CHRM2: variants seen among roughly 807,000 people sequenced by gnomAD.
CHRM2 encodes cholinergic receptor muscarinic 2.
In CHRM2, 8 loss-of-function variants were observed where a neutral mutation model predicts 25.0. The observed-to-expected ratio is 0.32, with a 90% CI of 0.19 to 0.58. CHRM2 has a LOEUF of 0.58. Among genes scored for constraint, CHRM2 ranks in the 20% least tolerant of loss-of-function variants. The pLI is 0.88. For missense variants in CHRM2, 440 were observed against 567.1 expected (o/e 0.78, Z 2.28); for synonymous variants, 202 against 205.7 (o/e 0.98, Z 0.15).
intron 2 of CHRM2, among the ~76,000 whole-genome samples, chr7:136,893,772 G>A (rs997895458): frequency 2.1e-4 from 32 of 152,230 alleles, no homozygotes; most frequent in African/African-American, 7.5e-4. Context: ...TTTTACATGA[G>A]CAAAACAGGA....
In CHRM2 at chr7:137,015,941, A is replaced by C; in HGVS notation, c.1076A>C (p.Asn359Thr). 6.2e-7 allele frequency: 1 copy of C among 1,613,160 alleles called. No homozygotes were observed. Among genetic ancestry groups the C allele is most frequent in the Non-Finnish European group, 8.5e-7 (1 of 1,179,452 alleles). The change falls in exon 4 of 4, where the codon AAT (asparagine) becomes ACT (threonine). Residue 359 changes from asparagine to threonine, a missense_variant. Asn to Thr is a moderately conservative substitution (Grantham distance 65). Around this residue, in one of 5 missense-constraint regions of CHRM2, gnomAD observed 261 missense variants for 261.8 expected, o/e 1.00. Coordinates refer to ENST00000680005, the MANE Select transcript of CHRM2 (RefSeq NM_001006630.2). The surrounding 1 kb of genome is among the most constrained non-coding windows in gnomAD (Gnocchi z 5.1). ...GGTCAGAATGGAGATGAAAAGCAGA[A>C]TATTGTAGCCCGCAAGATTGTGAAG... is the stretch of plus-strand genomic sequence containing the variant. Reference protein sequence around the residue: ...SSGQNGDEKQNIVARKIVKMT... With the variant: ...SSGQNGDEKQTIVARKIVKMT...
intron 2 of CHRM2, among the ~76,000 whole-genome samples, chr7:136,891,231 T>C (rs1436780388): frequency 6.6e-6 from 1 of 152,188 alleles, no homozygotes; most frequent in East Asian, 1.9e-4. Flanking sequence ...TTCTACCCAA[T>C]GTCCTCTTTC....
Position 137,017,230 on chromosome 7 carries a change from C to T in CHRM2, c.*964C>T, listed in dbSNP as rs1805238027. 1.3e-5 allele frequency: 2 copies of T among 151,878 alleles called. No homozygotes were observed. The highest frequency in any genetic ancestry group is 4.1e-4 in the South Asian group (2 of 4,828). 9.4% of individuals were successfully genotyped at this position (151,878 alleles called of 1,614,324 possible). ...AGGTTTCATCAAATTAAATAATGGA[C>T]TATCTAGTTGGACCAAGTTTATTAA... On this transcript the variant is annotated 3_prime_UTR_variant, in exon 4 of 4. Transcript: ENST00000680005.
intron 2 of CHRM2, among the ~76,000 whole-genome samples, chr7:136,880,938 T>C (rs1796242624): frequency 6.6e-6 from 1 of 151,774 alleles, no homozygotes; most frequent in Non-Finnish European, 1.5e-5. Context: ...TTATCCAGAA[T>C]GTTACTTAGT....
intron 2 of CHRM2, among the ~76,000 whole-genome samples, chr7:136,966,494 G>C (rs1461244949): frequency 6.6e-6 from 1 of 151,868 alleles, no homozygotes; most frequent in East Asian, 1.9e-4. Context: ...TGAATAAGGA[G>C]TAGGTGAACA....
chr7:136,893,820 CCT>C (rs1796787938), intron 2 of CHRM2, among the ~76,000 whole-genome samples: 1 of 152,044 alleles, frequency 6.6e-6, no homozygotes, highest in Non-Finnish European at 1.5e-5. Flanking sequence ...GAAGCTCTAT[CCT>C]CTCTGAAAAA....
At chr7:136,956,508 A>G (rs1470279606) in intron 2 of CHRM2, among the ~76,000 whole-genome samples, 6 of 152,166 alleles carry the variant, frequency 3.9e-5, no homozygotes, top group African/African-American at 1.4e-4. Context: ...TGAATCCTCC[A>G]TTACTGAACA....
chr7:136,906,579 T>C (rs1417762515), intron 2 of CHRM2, among the ~76,000 whole-genome samples: 3 of 151,864 alleles, frequency 2.0e-5, no homozygotes, highest in Admixed American at 6.6e-5. Flanking sequence ...AGTCCTTATA[T>C]AGCAGGATAT....
intron 2 of CHRM2, among the ~76,000 whole-genome samples, chr7:136,936,689 T>C (rs934462894): frequency 2.8e-4 from 42 of 152,188 alleles, no homozygotes; most frequent in Admixed American, 1.7e-3. Flanking sequence ...TCTTTGTTTT[T>C]GCTTCTCCCA....
rs141797101 is a variant in CHRM2 at position 136,875,356 on chromosome 7, T to C, written c.-125+5938T>C. ...ACATTTTTATTAATCCCTAAATACATGGCAAACTAGAAGTGAGGTTGATAT... is the reference window on the plus strand; with the variant it reads ...ACATTTTTATTAATCCCTAAATACACGGCAAACTAGAAGTGAGGTTGATAT... On this transcript the variant is annotated intron_variant, in intron 2 of 3. Coordinates refer to ENST00000680005, the MANE Select transcript of CHRM2 (RefSeq NM_001006630.2). Among the ~76,000 whole-genome samples the C allele has an allele frequency of 1.5e-3, 226 of 152,250 alleles. 1 individual carries two copies. Among genetic ancestry groups the C allele is most frequent in the African/African-American group, 5.1e-3 (211 of 41,556 alleles).
chr7:136,895,530 A>G (rs540289670), intron 2 of CHRM2, among the ~76,000 whole-genome samples: 1 of 152,160 alleles, frequency 6.6e-6, no homozygotes, highest in Non-Finnish European at 1.5e-5. Context: ...TGCTGTTTCT[A>G]TGACTCAGTT....
intron 2 of CHRM2, among the ~76,000 whole-genome samples, chr7:136,919,161 A>G (rs367549122): frequency 6.6e-6 from 1 of 152,244 alleles, no homozygotes; most frequent in South Asian, 2.1e-4. Context: ...ACACTGTACG[A>G]AGACAATCAT....
intron 2 of CHRM2, chr7:136,870,909 T>C (rs930236971): frequency 1.3e-5 from 2 of 152,358 alleles, no homozygotes; most frequent in African/African-American, 4.8e-5. Flanking sequence ...CCTGTCTTCT[T>C]TTCTTTTTTG....
At chr7:136,888,298 T>C (rs1796549069) in intron 2 of CHRM2, among the ~76,000 whole-genome samples, 1 of 152,190 alleles carries the variant, frequency 6.6e-6, no homozygotes, top group Non-Finnish European at 1.5e-5. Flanking sequence ...TTCCCTGTGA[T>C]GTCTGCTAAA....
chr7:136,972,577 G>T (rs1045666601), intron 2 of CHRM2, among the ~76,000 whole-genome samples: 2 of 152,130 alleles, frequency 1.3e-5, no homozygotes, highest in African/African-American at 2.4e-5. Flanking sequence ...ATGGTTGATA[G>T]TTCTGTCAAA....
intron 2 of CHRM2, chr7:136,938,169 C>T (rs1799530200): frequency 2.8e-6 from 2 of 706,106 alleles, no homozygotes; most frequent in Admixed American, 2.0e-5. Flanking sequence ...TATCTCTGCC[C>T]ACTCTTCTGG....
At chr7:136,916,625 C>T (rs960930144) in intron 2 of CHRM2, among the ~76,000 whole-genome samples, 2 of 150,704 alleles carry the variant, frequency 1.3e-5, no homozygotes, top group African/African-American at 2.4e-5. Context: ...TCTCTTTTAT[C>T]CTTGAATTTG....
chr7:136,985,345 A>T (rs557200035), intron 2 of CHRM2, among the ~76,000 whole-genome samples: 22 of 151,984 alleles, frequency 1.4e-4, no homozygotes, highest in Non-Finnish European at 2.9e-4. Context: ...CCCCGTCTCT[A>T]CTAAAAATAC....
intron 2 of CHRM2, among the ~76,000 whole-genome samples, chr7:136,934,621 C>T (rs1224278251): frequency 1.3e-5 from 2 of 151,956 alleles, no homozygotes; most frequent in African/African-American, 4.8e-5. Context: ...ATATTTCCTA[C>T]TCAAAAAATC....
Sources: allele counts gnomAD v4.1 joint callset (sites outside exome capture counted in the v4.1 genomes callset), GRCh38; gene constraint gnomAD v4.1.1; regional missense constraint gnomAD v4.1.1; non-coding constraint Gnocchi (gnomAD v3.1); transcripts MANE v1.5; gene names NCBI Gene and HGNC (gene_info 2026-07-23, HGNC 2026-07-21).